Variants in CNOT9 observed in about 807,000 individuals in gnomAD.
The protein encoded by CNOT9 is RCD1 required for cell differentiation1 homolog.
CNOT9 carries 8 observed loss-of-function variants against 37.4 expected under a neutral mutation model. The ratio of observed to expected loss-of-function variants is 0.21; its 90% confidence interval spans 0.13 to 0.39. The LOEUF is 0.39. Among genes scored for constraint, CNOT9 ranks in the 10% least tolerant of loss-of-function variants. The pLI is 1.00. For synonymous variants in CNOT9, 120 were observed against 137.6 expected, an observed-to-expected ratio of 0.87 and a Z score of 0.90; for missense variants, 154 against 365.3, an observed-to-expected ratio of 0.42 and a Z score of 4.71.
chr2:218,580,883 G>C (rs1694348605), intron 2 of CNOT9, 143 bp downstream of exon 2: 1 of 803,252 alleles, frequency 1.2e-6, no homozygotes, highest in African/African-American at 1.7e-5. Context: ...AGAAAGGTCT[G>C]AGGTATTTGT....
In CNOT9 at chr2:218,596,789, G is replaced by A. The variant is rs775500283; in HGVS notation, c.*2513G>A. On this transcript the variant is annotated 3_prime_UTR_variant, in exon 8 of 8. Transcript: ENST00000273064. ...CAAGGTAATGCTTGAAACATCTTAC[G>A]AACTTTGATGTTCATTTCCTCAAGT... The A allele has an allele frequency of 5.3e-5, 8 of 152,198 alleles. No individual in the cohort carries two copies. The highest frequency in any genetic ancestry group is 1.2e-4 in the Non-Finnish European group (8 of 68,034). 9.4% of individuals were successfully genotyped at this position (152,198 alleles called of 1,614,324 possible). A position where few individuals can be genotyped will look rare whatever the true frequency, so the allele number is the denominator to read the frequency against.
rs1694815338 is a variant in CNOT9, at chr2:218,592,566, T to G, written c.640-50T>G. ...TCTCTGATGTCAATTAGAATTTGTTTGTGTTTTGTGTGTTTTTTCCAACCC... is the reference window on the plus strand; with the variant it reads ...TCTCTGATGTCAATTAGAATTTGTTGGTGTTTTGTGTGTTTTTTCCAACCC... On this transcript the variant is annotated intron_variant, in intron 6 of 7. Transcript: ENST00000273064. The surrounding 1 kb of genome is among the most constrained non-coding windows in gnomAD (Gnocchi z 4.1). 6.4e-7 allele frequency: 1 copy of G among 1,570,578 alleles called. No homozygotes were observed. Among genetic ancestry groups the G allele is most frequent in the African/African-American group, 1.3e-5 (1 of 74,170 alleles).
chr2:218,568,849 CG>C lies in CNOT9; in HGVS notation c.-104del. On this transcript the variant is annotated 5_prime_UTR_variant, in exon 1 of 8. Transcript: ENST00000273064. ...CGAAGTGGGCGGAGCGAGCCGGAGT[CG>C]GATGGCGGCTACGGCGGCTCATTGT... 7.5e-7 allele frequency: 1 copy of C among 1,337,068 alleles called. No homozygotes were observed. The highest frequency in any genetic ancestry group is 1.0e-6 in the Non-Finnish European group (1 of 962,582). The allele number at this position is 1,337,068 out of a possible 1,614,324, so 82.8% of individuals were successfully genotyped here.
intron 1 of CNOT9, among the ~76,000 whole-genome samples, chr2:218,572,978 A>G (rs1170519092): frequency 6.6e-6 from 1 of 152,182 alleles, no homozygotes; most frequent in Non-Finnish European, 1.5e-5. Context: ...CAAATTGCCT[A>G]ACTTATCTTT....
rs114476946 is a variant in CNOT9, at chr2:218,571,405, C to T, written c.24+2427C>T. 3.2e-3 allele frequency among the ~76,000 whole-genome samples: 491 copies of T among 152,042 alleles called. 1 individual carries two copies. Among genetic ancestry groups the T allele is most frequent in the African/African-American group, 0.011 (472 of 41,440 alleles). On this transcript the variant is annotated intron_variant, in intron 1 of 7. Coordinates refer to ENST00000273064, the MANE Select transcript of CNOT9 (RefSeq NM_005444.3). ...AATGGCCACTGGACTCCAGCTTGAG[C>T]AACATAGCAAGACTTTGTCTATTAA...
chr2:218,587,537 C>T, intron 4 of CNOT9, 49 bp from the exon 5 acceptor site: 1 of 1,484,050 alleles, frequency 6.7e-7, no homozygotes, highest in Non-Finnish European at 9.0e-7. Context: ...TTAATGTTAA[C>T]TGGAAACCCT....
rs758572192 is a variant in CNOT9 at position 218,568,968 on chromosome 2, C to T, written c.14C>T (p.Ala5Val). MHSL[A>V]TAAPVPTTLA... ...GCCGCTCACAACATGCACAGCCTGG[C>T]GACGGCTGCGGTGAGTGGCTGGGCC... The change falls in exon 1 of 8, where the codon GCG becomes GTG. Residue 5 changes from alanine (A) to valine (V), a missense_variant. Around this residue, in one of 2 missense-constraint regions of CNOT9, gnomAD observed 37 missense variants for 39.9 expected, o/e 0.93. Coordinates refer to ENST00000273064, the MANE Select transcript of CNOT9 (RefSeq NM_005444.3). The T allele has an allele frequency of 3.8e-5, 61 of 1,610,752 alleles. No homozygotes were observed. Among genetic ancestry groups the T allele is most frequent in the Non-Finnish European group, 5.1e-5 (60 of 1,178,590 alleles).
At chr2:218,580,779 A>G (rs752247114) in intron 2 of CNOT9, 39 bp downstream of exon 2, 11 of 1,553,878 alleles carry the variant, frequency 7.1e-6, no homozygotes, top group African/African-American at 4.1e-5. Context: ...AGTTCTTTTC[A>G]TTACACTTGT....
At chr2:218,585,545 C>T (rs1446651764) in intron 4 of CNOT9, among the ~76,000 whole-genome samples, 7 of 148,272 alleles carry the variant, frequency 4.7e-5, no homozygotes, top group Admixed American at 4.7e-4. Flanking sequence ...CACGCCACTG[C>T]ACTCCAGCCT....
intron 2 of CNOT9, chr2:218,581,025 C>T (rs915104075): frequency 5.6e-6 from 3 of 538,970 alleles, no homozygotes; most frequent in Middle Eastern, 2.8e-4. Context: ...CTAAGAACTA[C>T]GCTTTGACGA....
intron 3 of CNOT9, 32 bp downstream of exon 3, chr2:218,583,118 A>T (rs765017311): frequency 7.3e-7 from 1 of 1,362,896 alleles, no homozygotes; most frequent in East Asian, 2.3e-5. Context: ...CTTGGGGGAG[A>T]TATACATTGA....
intron 1 of CNOT9, among the ~76,000 whole-genome samples, chr2:218,575,065 C>CT (rs1375169291): frequency 6.6e-6 from 1 of 152,100 alleles, no homozygotes; most frequent in Non-Finnish European, 1.5e-5. Flanking sequence ...AGTTCCTTCA[C>CT]TTTAACAATG....
intron 2 of CNOT9, among the ~76,000 whole-genome samples, chr2:218,582,656 C>G (rs1194458099): frequency 6.6e-6 from 1 of 151,854 alleles, no homozygotes; most frequent in African/African-American, 2.4e-5. Context: ...TGCCACTGCA[C>G]TCCAGCCCGG....
intron 5 of CNOT9, chr2:218,589,127 A>G (rs1694692910): frequency 6.6e-6 from 1 of 151,920 alleles, no homozygotes; most frequent in Non-Finnish European, 1.5e-5. Context: ...GTCACATTAA[A>G]TTACTTTTTT....
chr2:218,569,292 C>G (rs1040228982), intron 1 of CNOT9, among the ~76,000 whole-genome samples: 1 of 152,214 alleles, frequency 6.6e-6, no homozygotes, highest in Non-Finnish European at 1.5e-5. Flanking sequence ...CAGTTGTGTT[C>G]TGGGCGCCGG....
intron 2 of CNOT9, among the ~76,000 whole-genome samples, chr2:218,582,689 C>CAA (rs398042880): frequency 7.4e-6 from 1 of 135,302 alleles, no homozygotes; most frequent in Admixed American, 7.5e-5. Context: ...GACTCCGTCT[C>CAA]AAAAAAAAAA....
intron 1 of CNOT9, among the ~76,000 whole-genome samples, chr2:218,571,490 T>G (rs924245530): frequency 3.3e-5 from 5 of 152,136 alleles, no homozygotes; most frequent in African/African-American, 1.2e-4. Context: ...AAGGAAAAAT[T>G]AAGATAGTAT....
chr2:218,579,800 T>G (rs1456613845), intron 1 of CNOT9, among the ~76,000 whole-genome samples: 3 of 151,174 alleles, frequency 2.0e-5, no homozygotes, highest in Non-Finnish European at 2.9e-5. Flanking sequence ...TTTTCTGCAT[T>G]TATTTATTTA....
intron 1 of CNOT9, among the ~76,000 whole-genome samples, chr2:218,576,379 T>C (rs1694168623): frequency 6.6e-6 from 1 of 152,238 alleles, no homozygotes; most frequent in Admixed American, 6.5e-5. Flanking sequence ...TTGCTTGTTA[T>C]ATGTCCATGT....
Sources: gnomAD v4.1 joint callset for allele counts (sites outside exome capture counted in the v4.1 genomes callset) on GRCh38, gnomAD v4.1.1 for gene constraint, gnomAD v4.1.1 regional missense constraint, Gnocchi (gnomAD v3.1) non-coding constraint, MANE v1.5 for transcripts, NCBI Gene and HGNC (gene_info 2026-07-23, HGNC 2026-07-21) for gene names.